Variants in STAB2 observed in about 807,000 individuals in gnomAD.
The protein encoded by STAB2 is stabilin-2.
In STAB2, 288 loss-of-function variants were observed where a neutral mutation model predicts 338.1. The ratio of observed to expected loss-of-function variants is 0.85; its 90% CI spans 0.77 to 0.94. The LOEUF is 0.94. STAB2 is among the 40% of genes least tolerant of loss of function. STAB2 has a pLI of 0.00. For missense variants in STAB2, 3,141 were observed against 3,210.1 expected (o/e 0.98, Z 0.52); for synonymous variants, 1,202 against 1,193.3 (o/e 1.01, Z -0.15).
intron 24 of STAB2, 33 bp downstream of exon 24, chr12:103,676,054 GTTTCTTTT>G: frequency 9.6e-7 from 1 of 1,037,730 alleles, no homozygotes; most frequent in African/African-American, 1.8e-5. Flanking sequence ...ACCCTGCCTG[GTTTCTTTT>G]TTTTTTTTTT....
chr12:103,742,452 C>T lies in STAB2; in HGVS notation c.5929C>T (p.Leu1977Phe). Residue 1977 changes from leucine to phenylalanine, a missense_variant, in exon 56 of 69, where the codon CTT becomes TTT. Leu to Phe is a conservative substitution (Grantham distance 22). Coordinates refer to ENST00000388887, the MANE Select transcript of STAB2 (RefSeq NM_017564.10). Reference protein sequence around the residue: ...DAPCNNRGVCLDQYSATGECK... With the variant: ...DAPCNNRGVCFDQYSATGECK... ...CCCGTGTAATAACCGGGGTGTCTGCCTTGATCAGTACTCGGCCACCGGAGA... is the reference window on the plus strand; with the variant it reads ...CCCGTGTAATAACCGGGGTGTCTGCTTTGATCAGTACTCGGCCACCGGAGA... The T allele has an allele frequency of 1.2e-6, 2 of 1,614,102 alleles. No homozygotes were observed. The highest frequency in any genetic ancestry group is 1.3e-5 in the African/African-American group (1 of 75,022).
chr12:103,629,983 T>A (rs1025230603), intron 5 of STAB2, among the ~76,000 whole-genome samples: 6 of 152,248 alleles, frequency 3.9e-5, no homozygotes, highest in African/African-American at 9.6e-5. Context: ...TGGTGAAAGA[T>A]GAAAATGAAA....
chr12:103,613,871 A>T (rs1421184251), intron 3 of STAB2, among the ~76,000 whole-genome samples: 2 of 152,148 alleles, frequency 1.3e-5, no homozygotes, highest in African/African-American at 4.8e-5. Context: ...CTTGTCTTTA[A>T]GTTCACTAAT....
At chr12:103,625,793 A>C (rs931365951) in intron 5 of STAB2, among the ~76,000 whole-genome samples, 13 of 152,210 alleles carry the variant, frequency 8.5e-5, no homozygotes, top group African/African-American at 3.1e-4. Context: ...AGTCTTTGCT[A>C]TCGTGAATAG....
intron 54 of STAB2, 90 bp from the exon 55 acceptor site, chr12:103,740,540 C>G: frequency 2.0e-6 from 3 of 1,516,588 alleles, no homozygotes; most frequent in Non-Finnish European, 2.6e-6. Context: ...TTGGGCAGTA[C>G]CTAAGACCTC....
At chr12:103,612,116 C>A (rs1366194360) in intron 3 of STAB2, among the ~76,000 whole-genome samples, 1 of 152,220 alleles carries the variant, frequency 6.6e-6, no homozygotes, top group African/African-American at 2.4e-5. Context: ...CTGCCCTTAA[C>A]ATTTTTTCCT....
intron 25 of STAB2, among the ~76,000 whole-genome samples, chr12:103,679,819 T>C (rs1876733756): frequency 2.0e-5 from 3 of 152,212 alleles, no homozygotes; most frequent in Admixed American, 2.0e-4. Context: ...AAGCAGATAT[T>C]TAAGCACCCG....
rs1385803853 is a variant in STAB2, at chr12:103,621,912, G to T, written c.418-130G>T. 5.2e-6 allele frequency: 4 copies of T among 764,274 alleles called. No homozygotes were observed. The Admixed American group carries it at 1.1e-4, about 21-fold the overall frequency. The allele number at this position is 764,274 out of a possible 1,614,324, so 47.3% of individuals were successfully genotyped here. A position where few individuals can be genotyped will look rare whatever the true frequency, so the allele number is the denominator to read the frequency against. On this transcript the variant is annotated intron_variant, in intron 4 of 68. Coordinates refer to ENST00000388887, the MANE Select transcript of STAB2 (RefSeq NM_017564.10). The stretch of plus-strand genomic sequence containing the variant: ...CAATGATAACACAAATAAACAGAAA[G>T]AAGAAGCTCCAGGATAGGCACAGAG...
rs1371175593 is a variant in STAB2 at position 103,704,700 on chromosome 12, C to T, written c.3900+86C>T. 22 of 1,116,696 alleles carry T rather than the reference C, an allele frequency of 2.0e-5. No homozygotes were observed. The East Asian group carries it at 2.5e-4, about 13-fold the overall frequency. The allele number at this position is 1,116,696 out of a possible 1,614,324, so 69.2% of individuals were successfully genotyped here. On this transcript the variant is annotated intron_variant, in intron 36 of 68. Transcript: ENST00000388887. ...ATGAACCTCAAGATTATGTGATTTG[C>T]ACTTCCCTCATTCCTTCACTTAATT...
intron 15 of STAB2, among the ~76,000 whole-genome samples, chr12:103,659,401 C>T (rs567062669): frequency 1.3e-5 from 2 of 152,228 alleles, no homozygotes; most frequent in East Asian, 1.9e-4. Context: ...TGGGACTTCA[C>T]GCTGTTGCAA....
chr12:103,627,015 A>G (rs141860857), intron 5 of STAB2, among the ~76,000 whole-genome samples: 1 of 152,316 alleles, frequency 6.6e-6, no homozygotes, highest in African/African-American at 2.4e-5. Context: ...TTTGCTGGGC[A>G]CCTGCTGTGT....
intron 3 of STAB2, among the ~76,000 whole-genome samples, chr12:103,611,466 C>G (rs910501445): frequency 7.9e-5 from 12 of 152,088 alleles, no homozygotes; most frequent in African/African-American, 2.9e-4. Context: ...CTCTTTTGAT[C>G]TTTGTTGGTT....
At chr12:103,601,583 C>T (rs188722128) in intron 3 of STAB2, among the ~76,000 whole-genome samples, 4 of 152,294 alleles carry the variant, frequency 2.6e-5, no homozygotes, top group African/African-American at 9.6e-5. Context: ...CAGAGCGAGA[C>T]TCCATGTCAA....
At chr12:103,694,931 G>A (rs1266316492) in intron 31 of STAB2, among the ~76,000 whole-genome samples, 1 of 151,980 alleles carries the variant, frequency 6.6e-6, no homozygotes, top group Non-Finnish European at 1.5e-5. Context: ...GAGTGGTGGA[G>A]CCTATAATGA....
At chr12:103,707,095 G>A in intron 38 of STAB2, 108 bp downstream of exon 38, 1 of 1,288,902 alleles carries the variant, frequency 7.8e-7, no homozygotes, top group Non-Finnish European at 1.1e-6. Flanking sequence ...GTCGCCCCAA[G>A]TGGGCTGGAA....
intron 3 of STAB2, among the ~76,000 whole-genome samples, chr12:103,602,151 AACCTGTTTTCTG>A (rs1956963825): frequency 6.6e-6 from 1 of 152,178 alleles, no homozygotes; most frequent in Admixed American, 6.5e-5. Flanking sequence ...GGAAAATACT[AACCTGTTTTCTG>A]TGTCTATAAT....
intron 15 of STAB2, among the ~76,000 whole-genome samples, chr12:103,659,946 A>G (rs780116181): frequency 1.3e-5 from 2 of 152,244 alleles, no homozygotes; most frequent in African/African-American, 2.4e-5. Context: ...ATAGCCTTAG[A>G]CATTCTGAGA....
At chr12:103,710,423 C>A (rs2138997598) in intron 39 of STAB2, among the ~76,000 whole-genome samples, 1 of 152,306 alleles carries the variant, frequency 6.6e-6, no homozygotes, top group Non-Finnish European at 1.5e-5. Flanking sequence ...AAGAAGACAA[C>A]TCCTTTGTGT....
At chr12:103,755,200 T>C in intron 61 of STAB2, 102 bp from the exon 62 acceptor site, 1 of 1,503,758 alleles carries the variant, frequency 6.7e-7, no homozygotes, top group Non-Finnish European at 9.0e-7. Context: ...AAAGTGAGAC[T>C]TTATGGGTTT....
Sources: allele counts gnomAD v4.1 joint callset (sites outside exome capture counted in the v4.1 genomes callset), GRCh38; gene constraint gnomAD v4.1.1; transcripts MANE v1.5; gene names NCBI Gene and HGNC (gene_info 2026-07-23, HGNC 2026-07-21).